Variants in MVK observed in about 807,000 individuals in gnomAD.
The protein encoded by MVK is mevalonate kinase.
In MVK, 34 loss-of-function variants were observed where a neutral mutation model predicts 43.2. The ratio of observed to expected loss-of-function variants is 0.79; its 90% CI spans 0.60 to 1.05. The LOEUF is 1.05. MVK is among the 50% of genes least tolerant of loss of function. The pLI is 0.00. For missense variants in MVK, 395 were observed against 504.0 expected, an observed-to-expected ratio of 0.78 and a Z score of 2.07; for synonymous variants, 190 against 219.8, an observed-to-expected ratio of 0.86 and a Z score of 1.20.
chr12:109,595,449 G>A lies in MVK; in HGVS notation c.1039+268G>A, dbSNP rs185900996. The stretch of plus-strand genomic sequence containing the variant: ...GGGCTGGGCTGTGGCTGGGGCTCCT[G>A]TCATCGGGGCTGTCCGCACAAGCTT... On this transcript the variant is annotated intron_variant, in intron 10 of 10. Transcript: ENST00000228510. The surrounding 1 kb of genome is among the most constrained non-coding windows in gnomAD (Gnocchi z 5.9). 6.6e-6 allele frequency among the ~76,000 whole-genome samples: 1 copy of A among 152,158 alleles called. No individual in the cohort carries two copies. The highest frequency in any genetic ancestry group is 1.5e-5 in the Non-Finnish European group (1 of 68,034).
intron 3 of MVK, chr12:109,579,242 C>T (rs770692199): frequency 5.2e-5 from 23 of 441,582 alleles, no homozygotes; most frequent in African/African-American, 1.6e-4. Flanking sequence ...TGGGCTCAAG[C>T]GATCCTCCTG....
chr12:109,583,232 A>C (rs1343966019), intron 5 of MVK, among the ~76,000 whole-genome samples: 1 of 151,898 alleles, frequency 6.6e-6, no homozygotes, highest in Admixed American at 6.6e-5. Context: ...ATATCTCCTA[A>C]TGCTATCCCT....
chr12:109,590,976 G>A lies in MVK; in HGVS notation c.768+115G>A, dbSNP rs984388141. ...TATAGGGGGTGTGGTGGGTGGTGGGGGCCCTTAGGGAGGTGGTTTTGGCAG... is the reference window on the plus strand; with the variant it reads ...TATAGGGGGTGTGGTGGGTGGTGGGAGCCCTTAGGGAGGTGGTTTTGGCAG... On this transcript the variant is annotated intron_variant, in intron 8 of 10. Coordinates refer to ENST00000228510, the MANE Select transcript of MVK (RefSeq NM_000431.4). The A allele has an allele frequency of 7.8e-6, 9 of 1,155,366 alleles. No homozygotes were observed. In the African/African-American group the frequency reaches 1.1e-4, roughly 14 times the overall value. The allele number at this position is 1,155,366 out of a possible 1,614,324, so 71.6% of individuals were successfully genotyped here. A position where few individuals can be genotyped will look rare whatever the true frequency, so the allele number is the denominator to read the frequency against.
At chr12:109,577,392 G>C (rs929358509) in intron 3 of MVK, among the ~76,000 whole-genome samples, 1 of 152,184 alleles carries the variant, frequency 6.6e-6, no homozygotes, top group Non-Finnish European at 1.5e-5. Flanking sequence ...CACTGCACCT[G>C]AACCCTTGAC....
chr12:109,583,803 G>T (rs1035204822), intron 5 of MVK, among the ~76,000 whole-genome samples: 1 of 152,208 alleles, frequency 6.6e-6, no homozygotes, highest in African/African-American at 2.4e-5. Flanking sequence ...CAGTGTCATG[G>T]ATTTGTTTGT....
At chr12:109,586,675 C>T in intron 6 of MVK, 79 bp from the exon 7 acceptor site, 1 of 1,542,448 alleles carries the variant, frequency 6.5e-7, no homozygotes, top group Non-Finnish European at 9.0e-7. Flanking sequence ...GAACCCAACC[C>T]AAAGTTCAAC....
At chr12:109,579,136 A>AT in intron 3 of MVK, 13 of 384,392 alleles carry the variant, frequency 3.4e-5, no homozygotes, top group South Asian at 8.0e-5. Context: ...TTAAGACTAC[A>AT]ATTTTTTTTT....
rs1885215026 is a variant in MVK, at chr12:109,581,474, G to A, written c.451G>A (p.Val151Met). 1.2e-6 allele frequency: 2 copies of A among 1,614,196 alleles called. No individual in the cohort carries two copies. Among genetic ancestry groups the A allele is most frequent in the Non-Finnish European group, 1.7e-6 (2 of 1,180,028 alleles). Residue 151 changes from valine to methionine, a missense_variant, in exon 5 of 11, where the codon GTG (valine) becomes ATG (methionine). Val to Met is a conservative substitution (Grantham distance 21). Coordinates refer to ENST00000228510, the MANE Select transcript of MVK (RefSeq NM_000431.4). ...AGLGSSAAYS[V>M]CLAAALLTVC... ...CTTGGGCTCCAGCGCCGCCTACTCG[G>A]TGTGTCTGGCAGCAGCCCTCCTGAC...
intron 5 of MVK, 82 bp downstream of exon 5, chr12:109,581,632 C>T: frequency 1.3e-6 from 2 of 1,580,192 alleles, no homozygotes; most frequent in Non-Finnish European, 1.7e-6. Context: ...ACCTCACCAC[C>T]TCCCTGTGAG....
Position 109,597,835 on chromosome 12 carries a change from G to A in MVK, c.*1258G>A, listed in dbSNP as rs1456999277. 6.6e-6 allele frequency: 1 copy of A among 152,230 alleles called. No individual in the cohort carries two copies. Among genetic ancestry groups the A allele is most frequent in the African/African-American group, 2.4e-5 (1 of 41,456 alleles). 9.4% of individuals were successfully genotyped at this position (152,230 alleles called of 1,614,324 possible). ...GTGGGGGCCGGCGCAGGGATTTCAG[G>A]ATGAGGTGAAAGCGATTCAGTGCGC... On this transcript the variant is annotated 3_prime_UTR_variant, in exon 11 of 11. Transcript: ENST00000228510.
At position 109,586,031 on chromosome 12, in the gene MVK, G is replaced by A; in HGVS notation, c.537G>A (p.Lys179=). The change falls in exon 6 of 11, where the codon AAG becomes AAA. Residue 179 remains lysine (K), a synonymous_variant. Coordinates refer to ENST00000228510, the MANE Select transcript of MVK (RefSeq NM_000431.4). The part of the protein sequence containing the change: ...KDGDCVNRWT[K]EDLELINKWA... ...ACATCTGTGTCTTCAGGTGGACCAA[G>A]GAGGATTTGGAGCTAATTAACAAGT... 1 of 1,613,966 alleles carries A rather than the reference G, an allele frequency of 6.2e-7. No individual in the cohort carries two copies. The highest frequency in any genetic ancestry group is 2.2e-5 in the East Asian group (1 of 44,884).
intron 9 of MVK, among the ~76,000 whole-genome samples, chr12:109,592,326 C>T (rs1005531812): frequency 6.6e-6 from 1 of 152,236 alleles, no homozygotes; most frequent in Non-Finnish European, 1.5e-5. Context: ...ACACAGTCCA[C>T]CTGGCCTGGT....
At chr12:109,579,203 G>A (rs777567984) in intron 3 of MVK, 28 of 445,032 alleles carry the variant, frequency 6.3e-5, no homozygotes, top group East Asian at 7.1e-5. Context: ...ACAGTGGTGC[G>A]ACCACAGCTC....
intron 5 of MVK, among the ~76,000 whole-genome samples, chr12:109,583,089 G>GT (rs71079573): frequency 0.34 from 50,596 of 148,744 alleles, 9,049 homozygotes; most frequent in Middle Eastern, 0.4. Context: ...TCCTTGGTCT[G>GT]TTTTTTTTTT....
chr12:109,586,359 A>G (rs1304495236), intron 6 of MVK, among the ~76,000 whole-genome samples: 1 of 152,124 alleles, frequency 6.6e-6, no homozygotes, highest in African/African-American at 2.4e-5. Context: ...AGCTTCCACG[A>G]GCTCCCCAAG....
intron 7 of MVK, chr12:109,588,031 G>C (rs897249997): frequency 1.3e-5 from 2 of 152,258 alleles, no homozygotes; most frequent in African/African-American, 2.4e-5. Flanking sequence ...AAGCCAGTAG[G>C]AGCGTGGAAC....
intron 9 of MVK, among the ~76,000 whole-genome samples, chr12:109,593,318 G>A (rs1385217758): frequency 6.6e-6 from 1 of 152,254 alleles, no homozygotes; most frequent in East Asian, 1.9e-4. Context: ...GAGGCAGGCT[G>A]TTGGGGAGGG....
chr12:109,577,448 C>T (rs72646998), intron 3 of MVK, among the ~76,000 whole-genome samples: 45 of 152,110 alleles, frequency 3.0e-4, no homozygotes. Context: ...CTCCCATATG[C>T]CGTATGGGGA....
intron 5 of MVK, among the ~76,000 whole-genome samples, chr12:109,583,063 A>G (rs1022967001): frequency 6.7e-6 from 1 of 149,894 alleles, no homozygotes; most frequent in African/African-American, 2.5e-5. Flanking sequence ...ATTAAATGTA[A>G]TTAGGTAGCT....
Sources: allele counts gnomAD v4.1 joint callset (sites outside exome capture counted in the v4.1 genomes callset), GRCh38; gene constraint gnomAD v4.1.1; non-coding constraint Gnocchi (gnomAD v3.1); transcripts MANE v1.5; gene names NCBI Gene and HGNC (gene_info 2026-07-23, HGNC 2026-07-21).